Variants in BRCA1 observed in about 807,000 individuals in gnomAD.
The protein encoded by BRCA1 is BRCA1 DNA repair associated.
BRCA1 carries 140 observed loss-of-function variants against 173.7 expected under a neutral mutation model. The ratio of observed to expected loss-of-function variants is 0.81; its 90% CI spans 0.70 to 0.93. BRCA1 has a LOEUF of 0.93. Ranked by LOEUF, BRCA1 falls within the 40% of genes least tolerant of loss-of-function variation. The pLI, the probability that BRCA1 is intolerant of heterozygous loss-of-function variation, is 0.00. For missense variants in BRCA1, 1,983 were observed against 2,172.5 expected (o/e 0.91, Z 1.73); for synonymous variants, 662 against 756.0 (o/e 0.88, Z 2.04).
In BRCA1 at chr17:43,092,548, TAC is replaced by T. The variant is rs397507207; in HGVS notation, c.2981_2982del (p.Cys994Ter). The part of the protein sequence containing the change: ...FPIKSFVKTK[C>X]KKNLLEENFE... ...AAGTTTTCCTCTAGCAGATTTTTCT[TAC>T]ATTTAGTTTTAACAAATGACTTGAT... On this transcript the variant is annotated frameshift_variant, in exon 10 of 23. Coordinates refer to ENST00000357654, the MANE Select transcript of BRCA1 (RefSeq NM_007294.4). LOFTEE classifies it high-confidence loss of function. 1 of 1,614,112 alleles carries T rather than the reference TAC, an allele frequency of 6.2e-7. No individual in the cohort carries two copies. Among genetic ancestry groups the T allele is most frequent in the South Asian group, 1.1e-5 (1 of 91,076 alleles).
At chr17:43,166,090 C>T (rs375423043) in intron 1 of BRCA1, 5 of 151,246 alleles carry the variant, frequency 3.3e-5, no homozygotes, top group South Asian at 2.1e-4. Flanking sequence ...TTGACTTTGT[C>T]TCTCTCTTTG....
At chr17:43,108,230 C>T (rs1338119361) in intron 3 of BRCA1, among the ~76,000 whole-genome samples, 1 of 150,020 alleles carries the variant, frequency 6.7e-6, no homozygotes, top group African/African-American at 2.5e-5. Context: ...CCCAGTTACT[C>T]GGGAGGCTGA....
At chr17:43,074,874 T>G (rs1184531485) in intron 13 of BRCA1, among the ~76,000 whole-genome samples, 2 of 148,482 alleles carry the variant, frequency 1.3e-5, no homozygotes, top group Non-Finnish European at 3.0e-5. Context: ...TGAGCCGAGA[T>G]CACGCCACTG....
chr17:43,119,781 A>T (rs1240400384), intron 2 of BRCA1, among the ~76,000 whole-genome samples: 1 of 152,226 alleles, frequency 6.6e-6, no homozygotes, highest in Non-Finnish European at 1.5e-5. Flanking sequence ...ATCATACCAG[A>T]TGGCTTTCAT....
chr17:43,094,567 C>G lies in BRCA1; in HGVS notation c.964G>C (p.Ala322Pro), dbSNP rs80357252. 8.7e-6 allele frequency: 14 copies of G among 1,614,044 alleles called. No homozygotes were observed. The highest frequency in any genetic ancestry group is 4.0e-5 in the African/African-American group (3 of 74,928). The part of the protein sequence containing the change: ...GLARSQHNRW[A>P]GSKETCNDRR... ...TCATTACATGTTTCCTTACTTCCAG[C>G]CCATCTGTTATGTTGGCTCCTTGCT... The change falls in exon 10 of 23, where the codon GCT becomes CCT. Residue 322 changes from alanine (A) to proline (P), a missense_variant. Physicochemically the swap from Ala to Pro is conservative, Grantham distance 27 (BLOSUM62 -1). Transcript: ENST00000357654.
Position 43,074,352 on chromosome 17 carries a change from A to G in BRCA1, c.4654T>C (p.Tyr1552His), listed in dbSNP as rs1265352633. ...SGPHDLTETSYLPRQDLEGTP... is the reference protein window; with the variant it reads ...SGPHDLTETSHLPRQDLEGTP... ...TTACCTAGATCTTGCCTTGGCAAGT[A>G]AGATGTTTCCGTCAAATCGTGTGGC... Residue 1552 changes from tyrosine (Y) to histidine (H), a missense_variant, in exon 14 of 23, where the codon TAC (tyrosine) becomes CAC (histidine). By Grantham distance (83) the Tyr-to-His change is moderately conservative. Coordinates refer to ENST00000357654, the MANE Select transcript of BRCA1 (RefSeq NM_007294.4). The G allele has an allele frequency of 3.3e-5, 53 of 1,614,052 alleles. No individual in the cohort carries two copies. The highest frequency in any genetic ancestry group is 4.5e-5 in the Non-Finnish European group (53 of 1,179,928).
At position 43,094,696 on chromosome 17, in the gene BRCA1, G is replaced by A. The variant is rs1380919500; in HGVS notation, c.835C>T (p.His279Tyr). Residue 279 changes from histidine (H) to tyrosine (Y), a missense_variant, in exon 10 of 23, where the codon CAT becomes TAT. By Grantham distance (83) the His-to-Tyr change is moderately conservative. Transcript: ENST00000357654. Reference protein sequence around the residue: ...LHVEPCGTNTHASSLQHENSS... With the variant: ...LHVEPCGTNTYASSLQHENSS... ...TTCTCATGCTGTAATGAGCTGGCAT[G>A]AGTATTTGTGCCACATGGCTCCACA... 1 of 1,613,242 alleles carries A rather than the reference G, an allele frequency of 6.2e-7. No individual in the cohort carries two copies. The highest frequency in any genetic ancestry group is 2.2e-5 in the East Asian group (1 of 44,884).
rs80358133 is a variant in BRCA1 at position 43,097,235 on chromosome 17, T to C, written c.593+9A>G. The C allele has an allele frequency of 3.1e-5, 50 of 1,613,132 alleles. No homozygotes were observed. The highest frequency in any genetic ancestry group is 4.2e-5 in the Non-Finnish European group (49 of 1,179,278). The stretch of plus-strand genomic sequence containing the variant: ...CCAGCTTCATAGACAAAGGTTCTCT[T>C]TGACTCACCTGCAATAAGTTGCCTT... On this transcript the variant is annotated intron_variant, in intron 8 of 22. Coordinates refer to ENST00000357654, the MANE Select transcript of BRCA1 (RefSeq NM_007294.4).
intron 21 of BRCA1, among the ~76,000 whole-genome samples, chr17:43,048,281 C>T (rs1334160489): frequency 6.6e-6 from 1 of 152,182 alleles, no homozygotes; most frequent in Non-Finnish European, 1.5e-5. Flanking sequence ...TGGCTCACTG[C>T]AACCTCCGCC....
intron 1 of BRCA1, among the ~76,000 whole-genome samples, chr17:43,152,877 A>T (rs974182508): frequency 2.8e-5 from 4 of 143,992 alleles, no homozygotes; most frequent in East Asian, 1.9e-4. Context: ...ATAAAAAAAT[A>T]AAAAAAAATA....
At chr17:43,107,382 ATTTTT>A (rs762948688) in intron 3 of BRCA1, among the ~76,000 whole-genome samples, 1 of 118,522 alleles carries the variant, frequency 8.4e-6, no homozygotes. Context: ...TATTTTCTTA[ATTTTT>A]TTTTTTTTTT....
At chr17:43,138,437 T>G (rs1182802971) in intron 1 of BRCA1, 3 of 586,380 alleles carry the variant, frequency 5.1e-6, no homozygotes, top group Admixed American at 6.0e-5. Context: ...ATGACACCTC[T>G]CCAGGCCTCT....
intron 3 of BRCA1, among the ~76,000 whole-genome samples, chr17:43,112,857 G>A (rs965088661): frequency 2.0e-5 from 3 of 151,510 alleles, no homozygotes; most frequent in African/African-American, 7.3e-5. Context: ...AGGCTGGAGT[G>A]CAATGGCGCA....
chr17:43,056,040 C>G (rs1417278627), intron 19 of BRCA1, among the ~76,000 whole-genome samples: 3 of 152,180 alleles, frequency 2.0e-5, no homozygotes, highest in African/African-American at 7.2e-5. Flanking sequence ...GCAACTTATT[C>G]AACCTCTCTG....
intron 1 of BRCA1, among the ~76,000 whole-genome samples, chr17:43,157,017 C>T (rs1447121709): frequency 6.6e-6 from 1 of 152,094 alleles, no homozygotes; most frequent in Admixed American, 6.5e-5. Context: ...TTTGAGCTTC[C>T]AATACGGATA....
intron 18 of BRCA1, among the ~76,000 whole-genome samples, chr17:43,058,873 T>G (rs1020699548): frequency 1.8e-4 from 27 of 152,150 alleles, no homozygotes; most frequent in Non-Finnish European, 3.5e-4. Flanking sequence ...ATAATGAGAC[T>G]GGGGAGAAAT....
chr17:43,112,308 G>C (rs932454856), intron 3 of BRCA1, among the ~76,000 whole-genome samples: 2 of 152,024 alleles, frequency 1.3e-5, no homozygotes, highest in African/African-American at 4.8e-5. Context: ...GGCTGGTCTC[G>C]AACTCCTGAC....
intron 1 of BRCA1, among the ~76,000 whole-genome samples, chr17:43,135,630 C>T (rs2056014083): frequency 6.6e-6 from 1 of 152,202 alleles, no homozygotes; most frequent in South Asian, 2.1e-4. Flanking sequence ...CTCGTGAGCC[C>T]GAACAGTCCA....
At chr17:43,058,367 C>T (rs1407600007) in intron 18 of BRCA1, among the ~76,000 whole-genome samples, 2 of 151,582 alleles carry the variant, frequency 1.3e-5, no homozygotes, top group Non-Finnish European at 2.9e-5. Context: ...AAGTGAGACT[C>T]TGCTAAAAAA....
Sources: gnomAD v4.1 joint callset for allele counts (sites outside exome capture counted in the v4.1 genomes callset) on GRCh38, gnomAD v4.1.1 for gene constraint, MANE v1.5 for transcripts, NCBI Gene and HGNC (gene_info 2026-07-23, HGNC 2026-07-21) for gene names.